Variants in DENND11 observed in about 807,000 individuals in gnomAD.
DENND11 encodes the protein DENN domain-containing protein 11.
In DENND11, 34 loss-of-function variants were observed where a neutral mutation model predicts 49.2. That is an observed-to-expected ratio of 0.69 (90% CI 0.53 to 0.92). The LOEUF (loss-of-function observed/expected upper bound fraction) is 0.92. Ranked by LOEUF, DENND11 falls within the 40% of genes least tolerant of loss-of-function variation. The pLI, the probability that DENND11 is intolerant of heterozygous loss-of-function variation, is 0.00. For synonymous variants in DENND11, 238 were observed against 230.3 expected (o/e 1.03, Z -0.30); for missense variants, 475 against 581.6 (o/e 0.82, Z 1.88).
chr7:141,700,014 C>T (rs1251071926), intron 1 of DENND11, among the ~76,000 whole-genome samples: 1 of 152,104 alleles, frequency 6.6e-6, no homozygotes, highest in Admixed American at 6.5e-5. Context: ...AGGTACTAGC[C>T]CTCTGGCGCT....
rs903638093 is a variant in DENND11, at chr7:141,661,259, C to A, written c.*1397G>T. Reference sequence around the variant, plus strand: ...AAGACATTATTTGTCACCAACAACCCAGTATCCCAAGTCAAAATTCTCAAC... The same window carrying A: ...AAGACATTATTTGTCACCAACAACCAAGTATCCCAAGTCAAAATTCTCAAC... On this transcript the variant is annotated 3_prime_UTR_variant, in exon 9 of 9. Coordinates refer to ENST00000536163, the MANE Select transcript of DENND11 (RefSeq NM_001080392.2). The A allele has an allele frequency of 5.9e-5, 9 of 152,202 alleles. No homozygotes were observed. Among genetic ancestry groups the A allele is most frequent in the Admixed American group, 4.6e-4 (7 of 15,288 alleles). The allele number at this position is 152,202 out of a possible 1,614,324, so 9.4% of individuals were successfully genotyped here. A position where few individuals can be genotyped will look rare whatever the true frequency, so the allele number is the denominator to read the frequency against.
chr7:141,674,228 A>AG lies in DENND11; in HGVS notation c.528-9_528-8insC, dbSNP rs1359157573. 2.0e-6 allele frequency: 3 copies of AG among 1,525,490 alleles called. No individual in the cohort carries two copies. Among genetic ancestry groups the AG allele is most frequent in the Non-Finnish European group, 2.6e-6 (3 of 1,138,998 alleles). The allele number at this position is 1,525,490 out of a possible 1,614,324, so 94.5% of individuals were successfully genotyped here. A position where few individuals can be genotyped will look rare whatever the true frequency, so the allele number is the denominator to read the frequency against. ...GGCATCTCCAACTGGTGCCTGCAGAAAAACACACACACACACACACACACA... is the reference window on the plus strand; with the variant it reads ...GGCATCTCCAACTGGTGCCTGCAGAAGAAACACACACACACACACACACACA... On this transcript the variant is annotated splice_polypyrimidine_tract_variant and intron_variant, in intron 3 of 8. Transcript: ENST00000536163.
rs1371021918 is a variant in DENND11, at chr7:141,659,383, T to C, written c.*3273A>G. 6.6e-6 allele frequency: 1 copy of C among 152,226 alleles called. No homozygotes were observed. The highest frequency in any genetic ancestry group is 1.5e-5 in the Non-Finnish European group (1 of 68,048). The allele number at this position is 152,226 out of a possible 1,614,324, so 9.4% of individuals were successfully genotyped here. On this transcript the variant is annotated 3_prime_UTR_variant, in exon 9 of 9. Transcript: ENST00000536163. ...TAAACACATAATTTGGGCCATACTT[T>C]TAGTCTGGTAGGGGATAAGCCCTAC... is the stretch of plus-strand genomic sequence containing the variant.
chr7:141,680,144 A>C (rs1376764984), intron 3 of DENND11, among the ~76,000 whole-genome samples: 1 of 152,220 alleles, frequency 6.6e-6, no homozygotes, highest in Non-Finnish European at 1.5e-5. Context: ...AATGGACTGG[A>C]AACAACCAAA....
intron 4 of DENND11, among the ~76,000 whole-genome samples, chr7:141,668,309 G>A (rs1383192819): frequency 2.0e-5 from 3 of 151,910 alleles, no homozygotes; most frequent in Non-Finnish European, 2.9e-5. Context: ...ATCTGAGGCC[G>A]GGTGCTGTGA....
chr7:141,672,046 A>G (rs568055242), intron 4 of DENND11, among the ~76,000 whole-genome samples: 89 of 152,342 alleles, frequency 5.8e-4, no homozygotes, highest in African/African-American at 2.0e-3. Flanking sequence ...CTATGACTCC[A>G]GCCTCCAGCT....
chr7:141,686,894 C>G (rs1244411783), intron 1 of DENND11, among the ~76,000 whole-genome samples: 1 of 152,174 alleles, frequency 6.6e-6, no homozygotes, highest in Non-Finnish European at 1.5e-5. Flanking sequence ...GTTCTCCTCC[C>G]TCATGAGGAT....
chr7:141,684,518 G>A (rs973891616), intron 3 of DENND11, among the ~76,000 whole-genome samples: 1 of 152,120 alleles, frequency 6.6e-6, no homozygotes, highest in African/African-American at 2.4e-5. Flanking sequence ...GGATATCTGT[G>A]AGTGTTAATA....
rs1797762799 is a variant in DENND11 at position 141,659,892 on chromosome 7, A to C, written c.*2764T>G. 1 of 152,248 alleles carries C rather than the reference A, an allele frequency of 6.6e-6. No homozygotes were observed. Among genetic ancestry groups the C allele is most frequent in the South Asian group, 2.1e-4 (1 of 4,826 alleles). The allele number at this position is 152,248 out of a possible 1,614,324, so 9.4% of individuals were successfully genotyped here. On this transcript the variant is annotated 3_prime_UTR_variant, in exon 9 of 9. Coordinates refer to ENST00000536163, the MANE Select transcript of DENND11 (RefSeq NM_001080392.2). ...TGTTCAGCACTTTCTTCTGAACAAA[A>C]GCAGATGGTTTCTCAGAAAATATTT...
chr7:141,691,870 A>G (rs1014445724), intron 1 of DENND11, among the ~76,000 whole-genome samples: 1 of 152,142 alleles, frequency 6.6e-6, no homozygotes, highest in East Asian at 1.9e-4. Context: ...TCACATTTCT[A>G]TATAGTATCA....
intron 2 of DENND11, 52 bp downstream of exon 2, chr7:141,686,507 T>G (rs1280053099): frequency 1.7e-6 from 2 of 1,156,698 alleles, no homozygotes; most frequent in Non-Finnish European, 2.6e-6. Context: ...TTGGGGAAAG[T>G]GTGGAGGTGG....
intron 4 of DENND11, 43 bp downstream of exon 4, chr7:141,674,024 A>G: frequency 1.9e-6 from 3 of 1,580,612 alleles, no homozygotes; most frequent in Non-Finnish European, 2.6e-6. Context: ...CTATTCCCAG[A>G]TACAGATCCA....
At chr7:141,684,005 G>C (rs576520939) in intron 3 of DENND11, among the ~76,000 whole-genome samples, 1 of 152,184 alleles carries the variant, frequency 6.6e-6, no homozygotes, top group Non-Finnish European at 1.5e-5. Flanking sequence ...ATAGCTCACT[G>C]CAGCATTGAA....
At chr7:141,683,468 G>A (rs1249339889) in intron 3 of DENND11, among the ~76,000 whole-genome samples, 7 of 151,860 alleles carry the variant, frequency 4.6e-5, no homozygotes, top group South Asian at 2.1e-4. Context: ...GTGAAACCCC[G>A]TCTCTACTAA....
chr7:141,683,658 C>G (rs1332126137), intron 3 of DENND11, among the ~76,000 whole-genome samples: 1 of 150,528 alleles, frequency 6.6e-6, no homozygotes, highest in Non-Finnish European at 1.5e-5. Flanking sequence ...ACAAAAACAA[C>G]AACAACAAAA....
intron 8 of DENND11, chr7:141,663,252 G>C (rs1797831912): frequency 1.2e-5 from 2 of 170,222 alleles, no homozygotes; most frequent in South Asian, 3.4e-4. Context: ...CGTTACCCTT[G>C]GGTGTTTGCT....
At chr7:141,668,875 C>T (rs1041931535) in intron 4 of DENND11, among the ~76,000 whole-genome samples, 1 of 152,200 alleles carries the variant, frequency 6.6e-6, no homozygotes, top group African/African-American at 2.4e-5. Flanking sequence ...CTGGCTTTTA[C>T]AGAGAAATCT....
chr7:141,694,808 C>T (rs1177771969), intron 1 of DENND11, among the ~76,000 whole-genome samples: 3 of 152,142 alleles, frequency 2.0e-5, no homozygotes, highest in African/African-American at 2.4e-5. Flanking sequence ...CAAGCCATGT[C>T]GGAATATACA....
chr7:141,662,939 A>G (rs1797826809), intron 8 of DENND11, 88 bp from the exon 9 acceptor site: 1 of 956,746 alleles, frequency 1.0e-6, no homozygotes, highest in East Asian at 2.8e-5. Context: ...CCAAAACTAT[A>G]CTGTTTTGTT....
Sources: gnomAD v4.1 joint callset for allele counts (sites outside exome capture counted in the v4.1 genomes callset) on GRCh38, gnomAD v4.1.1 for gene constraint, MANE v1.5 for transcripts, NCBI Gene and HGNC (gene_info 2026-07-23, HGNC 2026-07-21) for gene names.